Variants in SCN1A observed in about 807,000 individuals in gnomAD.
SCN1A encodes sodium channel protein type 1 subunit alpha.
A neutral mutation model predicts 193.7 loss-of-function variants in SCN1A; 13 were observed. That is an observed-to-expected ratio of 0.07 (90% confidence interval 0.04 to 0.11). SCN1A has a LOEUF of 0.11. Among genes scored for constraint, SCN1A ranks in the 10% least tolerant of loss-of-function variants. The pLI, the probability that SCN1A is intolerant of heterozygous loss-of-function variation, is 1.00. For missense variants in SCN1A, 1,432 were observed against 2,451.1 expected (o/e 0.58, Z 8.78); for synonymous variants, 781 against 843.6 (o/e 0.93, Z 1.29).
At position 166,123,302 on chromosome 2, in the gene SCN1A, C is replaced by T. The variant is rs368856316; in HGVS notation, c.-142+3622G>A. Among the ~76,000 whole-genome samples the T allele has an allele frequency of 3.4e-5, 5 of 147,300 alleles. No homozygotes were observed. In the East Asian group the frequency reaches 1.0e-3, roughly 30 times the overall value. ...CCTCCAAGCAGCTCCTGTGTCCTGG[C>T]CACTATGGGGGATGTAAACACTGGT... On this transcript the variant is annotated intron_variant, in intron 2 of 28. Coordinates refer to ENST00000674923, the MANE Select transcript of SCN1A (RefSeq NM_001165963.4).
At chr2:166,098,468 C>A (rs1200232013) in intron 2 of SCN1A, among the ~76,000 whole-genome samples, 1 of 152,040 alleles carries the variant, frequency 6.6e-6, no homozygotes, top group Non-Finnish European at 1.5e-5. Flanking sequence ...TCACTCTTAC[C>A]ACTCCTACTC....
At chr2:166,026,839 G>A (rs1194153613) in intron 19 of SCN1A, among the ~76,000 whole-genome samples, 6 of 151,268 alleles carry the variant, frequency 4.0e-5, no homozygotes, top group Admixed American at 6.6e-5. Flanking sequence ...GCCCACCACT[G>A]CACCCGGCTA....
chr2:166,047,046 A>G (rs2105863401), intron 11 of SCN1A, 70 bp from the exon 12 acceptor site: 4 of 1,535,930 alleles, frequency 2.6e-6, no homozygotes, highest in East Asian at 2.3e-5. Context: ...CTTTCAATTT[A>G]CTCATGTGTC....
chr2:166,049,014 G>A, intron 9 of SCN1A, 65 bp from the exon 10 acceptor site: 2 of 982,434 alleles, frequency 2.0e-6, no homozygotes, highest in Non-Finnish European at 3.3e-6. Context: ...AATGAGAACA[G>A]GAAGGTCAGG....
At chr2:166,091,067 T>C (rs112230652) in intron 2 of SCN1A, among the ~76,000 whole-genome samples, 2,874 of 152,260 alleles carry the variant, frequency 0.019, 94 homozygotes, top group African/African-American at 0.065. Context: ...TCCTGTGGCA[T>C]AACGATTTCA....
intron 19 of SCN1A, 62 bp downstream of exon 19, chr2:166,035,986 G>A (rs1446275928): frequency 1.3e-6 from 2 of 1,496,694 alleles, no homozygotes; most frequent in Non-Finnish European, 1.9e-6. Context: ...AGGATCATCT[G>A]TATGTGTGTA....
In SCN1A at chr2:165,987,679, G is replaced by A. The variant is rs529245930; in HGVS notation, c.*3566C>T. On this transcript the variant is annotated 3_prime_UTR_variant, in exon 29 of 29. Transcript: ENST00000674923. ...GGCCAGTGGGAAGCCCCTTCTAGTT[G>A]GTTCCTGTGTCTTACTGACATGACC... The A allele has an allele frequency of 6.6e-6, 1 of 152,182 alleles. No homozygotes were observed. The highest frequency in any genetic ancestry group is 2.4e-5 in the African/African-American group (1 of 41,520). The allele number at this position is 152,182 out of a possible 1,614,324, so 9.4% of individuals were successfully genotyped here. A position where few individuals can be genotyped will look rare whatever the true frequency, so the allele number is the denominator to read the frequency against.
chr2:166,047,708 T>C lies in SCN1A; in HGVS notation c.1089A>G (p.Thr363=). The C allele has an allele frequency of 1.9e-6, 3 of 1,613,658 alleles. No individual in the cohort carries two copies. The highest frequency in any genetic ancestry group is 2.5e-6 in the Non-Finnish European group (3 of 1,179,672). ...AAGCCCAACTGAAGGTATCAAAGCT[T>C]GTGTAGCCATAATTGGGATTTCTAC... ...KAGRNPNYGY[T]SFDTFSWAFL... is the part of the protein sequence containing the mutation. The change falls in exon 11 of 29, where the codon ACA becomes ACG. Residue 363 remains threonine, a synonymous_variant. Transcript: ENST00000674923.
rs796052984 is a variant in SCN1A at position 166,038,000 on chromosome 2, C to T, written c.2722G>A (p.Gly908Ser). 11 of 1,614,108 alleles carry T rather than the reference C, an allele frequency of 6.8e-6. No homozygotes were observed. The highest frequency in any genetic ancestry group is 9.3e-6 in the Non-Finnish European group (11 of 1,180,012). Residue 908 changes from glycine (G) to serine (S), a missense_variant, in exon 18 of 29, where the codon GGC becomes AGC. Gly to Ser is a moderately conservative substitution (Grantham distance 56, BLOSUM62 0). Coordinates refer to ENST00000674923, the MANE Select transcript of SCN1A (RefSeq NM_001165963.4). ...TAGCTTTTACCAAAGAGCTGCATGC[C>T]GACCACGGCAAAAATGAAGACGATG... The part of the protein sequence containing the change: ...AIIVFIFAVV[G>S]MQLFGKSYKD...
chr2:166,049,935 C>A (rs1374371087), intron 9 of SCN1A, among the ~76,000 whole-genome samples: 3 of 151,804 alleles, frequency 2.0e-5, no homozygotes, highest in Admixed American at 2.0e-4. Context: ...ATTAAACAAT[C>A]AATGTTGGAT....
intron 14 of SCN1A, 133 bp downstream of exon 14, chr2:166,043,536 G>A: frequency 2.1e-6 from 2 of 958,094 alleles, no homozygotes; most frequent in Non-Finnish European, 3.0e-6. Context: ...GTCTATTAAA[G>A]ATATTACAAG....
In SCN1A at chr2:166,002,600, C is replaced by A. The variant is rs1691061383; in HGVS notation, c.4156G>T (p.Asp1386Tyr). 1.9e-6 allele frequency: 3 copies of A among 1,612,004 alleles called. No homozygotes were observed. The highest frequency in any genetic ancestry group is 2.5e-6 in the Non-Finnish European group (3 of 1,178,772). Residue 1386 changes from aspartate to tyrosine, a missense_variant, in exon 24 of 29, where the codon GAC (aspartate) becomes TAC (tyrosine). Asp to Tyr is a radical substitution (Grantham distance 160). Transcript: ENST00000674923. ...CINTTTGDRF[D>Y]IEDVNNHTDC... ...GTATGATTATTCACGTCTTCGATGT[C>A]AAACCTGTCACCAGTTGTGGTGTTA... is the stretch of plus-strand genomic sequence containing the variant.
chr2:166,137,974 G>T (rs1314914736), intron 1 of SCN1A, among the ~76,000 whole-genome samples: 1 of 152,170 alleles, frequency 6.6e-6, no homozygotes, highest in South Asian at 2.1e-4. Flanking sequence ...CTGGAGCAAA[G>T]GTGACTCTTG....
intron 19 of SCN1A, among the ~76,000 whole-genome samples, chr2:166,032,661 A>C (rs944239438): frequency 3.3e-5 from 5 of 152,188 alleles, no homozygotes; most frequent in Admixed American, 6.6e-5. Flanking sequence ...TCAAAAATGA[A>C]TAAAAGAAAT....
intron 19 of SCN1A, among the ~76,000 whole-genome samples, chr2:166,031,150 A>C (rs2105760432): frequency 6.6e-6 from 1 of 152,236 alleles, no homozygotes. Flanking sequence ...GACTCATGCT[A>C]TTCCCTTTCT....
chr2:166,139,409 A>G (rs1202251342), intron 1 of SCN1A, among the ~76,000 whole-genome samples: 1 of 152,110 alleles, frequency 6.6e-6, no homozygotes, highest in African/African-American at 2.4e-5. Context: ...TGCTGTTCTC[A>G]TGATAGTGAA....
At chr2:166,145,997 C>A (rs12619301) in intron 1 of SCN1A, among the ~76,000 whole-genome samples, 1 of 151,964 alleles carries the variant, frequency 6.6e-6, no homozygotes, top group Non-Finnish European at 1.5e-5. Context: ...GGAGAAAATG[C>A]GGGTAGAAGC....
At position 166,109,783 on chromosome 2, in the gene SCN1A, G is replaced by A. The variant is rs75594422; in HGVS notation, c.-142+17141C>T. Among the ~76,000 whole-genome samples, 794 of 152,090 alleles carry A rather than the reference G, an allele frequency of 5.2e-3. 3 individuals carry two copies. Among genetic ancestry groups the A allele is most frequent in the African/African-American group, 0.011 (457 of 41,494 alleles). The stretch of plus-strand genomic sequence containing the variant: ...ACTGCTCCACCAACATGCTGTTCCC[G>A]TCTCTCTTCCTCTCCTTGGGCTTCC... On this transcript the variant is annotated intron_variant, in intron 2 of 28. Coordinates refer to ENST00000674923, the MANE Select transcript of SCN1A (RefSeq NM_001165963.4).
intron 1 of SCN1A, chr2:166,133,676 G>C (rs984500859): frequency 1.3e-5 from 2 of 151,816 alleles, no homozygotes; most frequent in African/African-American, 4.8e-5. Flanking sequence ...TTCTTCTTTA[G>C]CTAACGTGTA....
Sources: allele counts gnomAD v4.1 joint callset (sites outside exome capture counted in the v4.1 genomes callset), GRCh38; gene constraint gnomAD v4.1.1; transcripts MANE v1.5; gene names NCBI Gene and HGNC (gene_info 2026-07-23, HGNC 2026-07-21).